The following SIRPG variants were observed in gnomAD, a reference collection of about 807,000 sequenced individuals.
The protein encoded by SIRPG is signal-regulatory protein gamma.
Under a neutral mutation model 35.7 loss-of-function variants are expected in SIRPG, and 38 were observed. The observed-to-expected ratio is 1.06, with a 90% CI of 0.82 to 1.40. The LOEUF (loss-of-function observed/expected upper bound fraction) is 1.40, where lower values mean the gene tolerates loss of function less well. SIRPG is among the 40% of genes most tolerant of loss of function. The probability of loss-of-function intolerance (pLI) is 0.00; values close to 1 mark genes in which losing one functional copy is unlikely to be tolerated. For missense variants in SIRPG, 519 were observed against 483.0 expected, an observed-to-expected ratio of 1.07 and a Z score of -0.70; for synonymous variants, 215 against 190.4, an observed-to-expected ratio of 1.13 and a Z score of -1.06.
chr20:1,645,741 C>T (rs989211951), intron 2 of SIRPG, among the ~76,000 whole-genome samples: 3 of 152,160 alleles, frequency 2.0e-5, no homozygotes, highest in Admixed American at 1.3e-4. Flanking sequence ...TGGGAAGTGG[C>T]CCAGGCAGTT....
At chr20:1,678,981 C>G in the SIRPG span, among the ~76,000 whole-genome samples, 1 of 152,208 alleles carries the variant, frequency 6.6e-6, no homozygotes, top group Non-Finnish European at 1.5e-5. Flanking sequence ...GAACTCTACA[C>G]CTGGCAAACA....
At chr20:1,655,235 A>T (rs1023526917) in intron 1 of SIRPG, among the ~76,000 whole-genome samples, 1 of 152,218 alleles carries the variant, frequency 6.6e-6, no homozygotes, top group Non-Finnish European at 1.5e-5. Context: ...TCCCATGTCC[A>T]TTGCAGCATT....
At chr20:1,675,075 T>C in the SIRPG span, among the ~76,000 whole-genome samples, 1 of 152,166 alleles carries the variant, frequency 6.6e-6, no homozygotes, top group Non-Finnish European at 1.5e-5. Context: ...GCCTCCCTCC[T>C]GGGTGCCCGG....
chr20:1,634,352 G>A (rs1388499010), intron 4 of SIRPG, among the ~76,000 whole-genome samples: 3 of 151,764 alleles, frequency 2.0e-5, no homozygotes, highest in Admixed American at 6.6e-5. Context: ...GACTACAGGC[G>A]CCCGCCACCA....
chr20:1,659,514 TGA>T (rs371389927), upstream of SIRPG, among the ~76,000 whole-genome samples: 1 of 152,256 alleles, frequency 6.6e-6, no homozygotes, highest in African/African-American at 2.4e-5. Context: ...TATCATTTAT[TGA>T]GAGTTTCCTG....
the SIRPG span, among the ~76,000 whole-genome samples, chr20:1,678,904 A>T: frequency 6.6e-6 from 1 of 152,256 alleles, no homozygotes; most frequent in Non-Finnish European, 1.5e-5. Context: ...TATCAGAAGC[A>T]TTGGAGGCCA....
At chr20:1,667,657 G>A in the SIRPG span, among the ~76,000 whole-genome samples, 3 of 152,178 alleles carry the variant, frequency 2.0e-5, no homozygotes, top group Admixed American at 2.0e-4. Context: ...ATAAGGAGGT[G>A]GAAAGAGGTG....
intron 2 of SIRPG, among the ~76,000 whole-genome samples, chr20:1,639,509 T>A (rs2091833751): frequency 6.6e-6 from 1 of 152,200 alleles, no homozygotes; most frequent in Non-Finnish European, 1.5e-5. Context: ...TCCTTGTAGA[T>A]TCTGGATATT....
chr20:1,665,579 AC>A, the SIRPG span, among the ~76,000 whole-genome samples: 2 of 151,890 alleles, frequency 1.3e-5, no homozygotes, highest in African/African-American at 4.8e-5. Context: ...CTTTCCAGTC[AC>A]CCCATCTCCC....
chr20:1,674,058 A>G, the SIRPG span, among the ~76,000 whole-genome samples: 1 of 152,198 alleles, frequency 6.6e-6, no homozygotes, highest in African/African-American at 2.4e-5. Flanking sequence ...CACATCCAGA[A>G]AAGCTGCTGT....
chr20:1,637,059 T>G, intron 2 of SIRPG: 1 of 168,174 alleles, frequency 5.9e-6, no homozygotes, highest in Admixed American at 5.6e-5. Flanking sequence ...TGGAAGAAGT[T>G]TTGCTTTGGA....
the SIRPG span, among the ~76,000 whole-genome samples, chr20:1,667,880 A>G: frequency 6.6e-6 from 1 of 152,244 alleles, no homozygotes; most frequent in African/African-American, 2.4e-5. Context: ...TGCTTTAATC[A>G]GCTCAATTAG....
At chr20:1,681,376 A>G in the SIRPG span, among the ~76,000 whole-genome samples, 1 of 152,178 alleles carries the variant, frequency 6.6e-6, no homozygotes, top group Admixed American at 6.6e-5. Flanking sequence ...CCAATTACCA[A>G]TGAATGACCT....
the SIRPG span, among the ~76,000 whole-genome samples, chr20:1,666,087 G>A: frequency 4.0e-5 from 6 of 151,302 alleles, no homozygotes; most frequent in African/African-American, 7.3e-5. Context: ...GCTAATGTGC[G>A]TGGGAGGTCT....
At chr20:1,680,808 T>G in the SIRPG span, among the ~76,000 whole-genome samples, 3 of 151,016 alleles carry the variant, frequency 2.0e-5, no homozygotes, top group Non-Finnish European at 3.0e-5. Context: ...TTCAAAATTA[T>G]AAGTCATATA....
intron 5 of SIRPG, 138 bp downstream of exon 5, chr20:1,630,084 G>A: frequency 4.5e-6 from 3 of 673,246 alleles, no homozygotes; most frequent in Non-Finnish European, 7.8e-6. Flanking sequence ...CTTTTAAAGG[G>A]TTCCCCAAGA....
the SIRPG span, among the ~76,000 whole-genome samples, chr20:1,665,908 TA>T: frequency 1.3e-5 from 2 of 151,726 alleles, no homozygotes; most frequent in African/African-American, 2.4e-5. Context: ...TGGATATATA[TA>T]AAAAAAAGAG....
intron 5 of SIRPG, 115 bp downstream of exon 5, chr20:1,630,107 C>T (rs1037786112): frequency 6.1e-5 from 48 of 782,848 alleles, no homozygotes; most frequent in Non-Finnish European, 8.1e-5. Flanking sequence ...TCCGAGGGTG[C>T]GGAGGGAGCT....
upstream of SIRPG, among the ~76,000 whole-genome samples, chr20:1,658,127 G>A (rs1308088524): frequency 6.6e-6 from 1 of 152,154 alleles, no homozygotes; most frequent in Non-Finnish European, 1.5e-5. Flanking sequence ...TTGTGGTCTT[G>A]TTCTGCACCA....
Sources: gnomAD v4.1 joint callset for allele counts (sites outside exome capture counted in the v4.1 genomes callset) on GRCh38, gnomAD v4.1.1 for gene constraint, MANE v1.5 for transcripts, NCBI Gene and HGNC (gene_info 2026-07-23, HGNC 2026-07-21) for gene names.